The following IARS1 variants were observed in gnomAD, a reference collection of about 807,000 sequenced individuals.
IARS1 encodes the protein isoleucine--tRNA ligase, cytoplasmic.
IARS1 carries 124 observed loss-of-function variants against 168.2 expected under a neutral mutation model. The ratio of observed to expected loss-of-function variants is 0.74; its 90% CI spans 0.64 to 0.86. The LOEUF (loss-of-function observed/expected upper bound fraction) is 0.86, where lower values mean the gene tolerates loss of function less well. IARS1 is among the 40% of genes least tolerant of loss of function. IARS1 has a pLI of 0.00. For synonymous variants in IARS1, 532 were observed against 529.4 expected, an observed-to-expected ratio of 1.00 and a Z score of -0.07; for missense variants, 1,452 against 1,515.8, an observed-to-expected ratio of 0.96 and a Z score of 0.70.
chr9:92,249,938 G>C lies in IARS1; in HGVS notation c.2536C>G (p.Pro846Ala). The C allele has an allele frequency of 6.3e-7, 1 of 1,585,836 alleles. No homozygotes were observed. The highest frequency in any genetic ancestry group is 8.6e-7 in the Non-Finnish European group (1 of 1,156,216). Residue 846 changes from proline to alanine, a missense_variant, in exon 25 of 34, where the codon CCT (proline) becomes GCT (alanine). Physicochemically the swap from Pro to Ala is conservative, Grantham distance 27 (BLOSUM62 -1). Coordinates refer to ENST00000443024, the MANE Select transcript of IARS1 (RefSeq NM_002161.6). ...TGGATAACCACAATTTCTTTCAAAG[G>C]ATACTAGGAGGAAAAGGGAGGGGAA... is the stretch of plus-strand genomic sequence containing the variant. ...RDRKTIPIKY[P>A]LKEIVVIHQD...
Position 92,265,040 on chromosome 9 carries a change from C to T in IARS1, c.1589G>A (p.Ser530Asn), listed in dbSNP as rs760143008. Residue 530 changes from serine (S) to asparagine (N), a missense_variant, in exon 16 of 34, where the codon AGT (serine) becomes AAT (asparagine). Physicochemically the swap from Ser to Asn is conservative, Grantham distance 46. Transcript: ENST00000443024. ...AACCTGAGCATAGGGCATGCTGCCA[C>T]TCTCAAACCAACAGTCAAACACTTC... Reference protein sequence around the residue: ...ISEVFDCWFESGSMPYAQVHY... With the variant: ...ISEVFDCWFENGSMPYAQVHY... 3.7e-6 allele frequency: 6 copies of T among 1,614,150 alleles called. No individual in the cohort carries two copies. The Admixed American group carries it at 8.3e-5, about 22-fold the overall frequency.
intron 30 of IARS1, among the ~76,000 whole-genome samples, chr9:92,230,608 G>T (rs1043607917): frequency 2.6e-5 from 4 of 152,188 alleles, no homozygotes; most frequent in African/African-American, 9.7e-5. Context: ...GGTGAACATA[G>T]TTTTCAGTTC....
At chr9:92,255,411 TTAAC>T (rs1830581102) in intron 20 of IARS1, among the ~76,000 whole-genome samples, 2 of 152,180 alleles carry the variant, frequency 1.3e-5, no homozygotes, top group African/African-American at 4.8e-5. Context: ...TCCACCCACT[TTAAC>T]TGACTGTCTG....
intron 33 of IARS1, among the ~76,000 whole-genome samples, chr9:92,212,158 G>A (rs1403617014): frequency 6.6e-6 from 1 of 152,140 alleles, no homozygotes; most frequent in African/African-American, 2.4e-5. Flanking sequence ...ACAGGACCTG[G>A]AGATGATGTT....
At position 92,278,232 on chromosome 9, in the gene IARS1, T is replaced by C. The variant is rs764371934; in HGVS notation, c.800A>G (p.Tyr267Cys). ...ILMEARLSAL[Y>C]KLESDYEILE... ...GATCTCATAGTCACTCTCCAATTTA[T>C]AGAGGGCTGACAATCTGGCTTCCAT... The change falls in exon 8 of 34, where the codon TAT becomes TGT. Residue 267 changes from tyrosine to cysteine, a missense_variant. By Grantham distance (194) the Tyr-to-Cys change is radical (BLOSUM62 -2). Coordinates refer to ENST00000443024, the MANE Select transcript of IARS1 (RefSeq NM_002161.6). 2 of 1,612,240 alleles carry C rather than the reference T, an allele frequency of 1.2e-6. No homozygotes were observed. The highest frequency in any genetic ancestry group is 1.7e-6 in the Non-Finnish European group (2 of 1,178,250).
intron 30 of IARS1, 127 bp from the exon 31 acceptor site, chr9:92,229,253 C>A: frequency 1.3e-6 from 1 of 780,810 alleles, no homozygotes; most frequent in Non-Finnish European, 2.0e-6. Flanking sequence ...CAACTATACA[C>A]TATATATATG....
intron 33 of IARS1, among the ~76,000 whole-genome samples, chr9:92,211,301 T>C (rs551882070): frequency 6.6e-6 from 1 of 152,264 alleles, no homozygotes; most frequent in East Asian, 1.9e-4. Flanking sequence ...GTCTCTGTGT[T>C]GTCAGATGTA....
chr9:92,250,210 C>T lies in IARS1; in HGVS notation c.2509G>A (p.Asp837Asn). 1 of 1,610,812 alleles carries T rather than the reference C, an allele frequency of 6.2e-7. No individual in the cohort carries two copies. The highest frequency in any genetic ancestry group is 8.5e-7 in the Non-Finnish European group (1 of 1,177,064). ...ACCTTTATGGGAATAGTTTTTCGGT[C>T]TCTGATCACTCTTCCAAGTTCAATC... ...SVIELGRVIR[D>N]RKTIPIKYPL... The change falls in exon 24 of 34, where the codon GAC becomes AAC. Residue 837 changes from aspartate to asparagine, a missense_variant. Physicochemically the swap from Asp to Asn is conservative, Grantham distance 23. Transcript: ENST00000443024.
intron 30 of IARS1, among the ~76,000 whole-genome samples, chr9:92,237,019 CATTA>C (rs1368498090): frequency 6.6e-6 from 1 of 152,126 alleles, no homozygotes; most frequent in Non-Finnish European, 1.5e-5. Flanking sequence ...ATTTCTGTAT[CATTA>C]ATTTTCTCTA....
intron 30 of IARS1, among the ~76,000 whole-genome samples, chr9:92,230,842 G>C (rs1414326139): frequency 2.0e-5 from 3 of 152,134 alleles, no homozygotes; most frequent in Admixed American, 1.3e-4. Context: ...TTTCCTAACG[G>C]CTAATGACGT....
At chr9:92,223,606 TTC>T (rs1408539454) in intron 31 of IARS1, 117 bp from the exon 32 acceptor site, 7 of 802,588 alleles carry the variant, frequency 8.7e-6, no homozygotes, top group South Asian at 6.5e-5. Context: ...TCCACTTAAT[TTC>T]TGTTTATCAA....
chr9:92,258,989 CAG>C lies in IARS1; in HGVS notation c.1879_1880del (p.Leu627AspfsTer2). ...KYGADALRLY[L>X]INSPVVRAEN... ...CTGCTCTCACCACAGGGGAGTTAAT[CAG>C]ATATAATCTGGAAGAGGGAGAAAAA... On this transcript the variant is annotated frameshift_variant, in exon 19 of 34. Coordinates refer to ENST00000443024, the MANE Select transcript of IARS1 (RefSeq NM_002161.6). LOFTEE classifies it high-confidence loss of function. 6.2e-7 allele frequency: 1 copy of C among 1,602,524 alleles called. No homozygotes were observed. Among genetic ancestry groups the C allele is most frequent in the Non-Finnish European group, 8.5e-7 (1 of 1,176,596 alleles).
chr9:92,250,207 G>C lies in IARS1; in HGVS notation c.2512C>G (p.Arg838Gly). ...VIELGRVIRD[R>G]KTIPIKYPLK... ...CAAACCTTTATGGGAATAGTTTTTC[G>C]GTCTCTGATCACTCTTCCAAGTTCA... Residue 838 changes from arginine to glycine, a missense_variant, in exon 24 of 34, where the codon CGA becomes GGA. Transcript: ENST00000443024. 1.2e-6 allele frequency: 2 copies of C among 1,608,014 alleles called. No homozygotes were observed. The highest frequency in any genetic ancestry group is 1.7e-6 in the Non-Finnish European group (2 of 1,174,542).
chr9:92,242,446 G>A (rs1446979021), intron 28 of IARS1, 116 bp from the exon 29 acceptor site: 5 of 739,546 alleles, frequency 6.8e-6, no homozygotes, highest in African/African-American at 3.6e-5. Context: ...CAGAAGGGCA[G>A]TCACCCTTCC....
chr9:92,260,114 A>C, intron 18 of IARS1, 37 bp downstream of exon 18: 1 of 1,416,922 alleles, frequency 7.1e-7, no homozygotes, highest in Non-Finnish European at 1.0e-6. Context: ...ACATAAAAAA[A>C]CAATAGATAC....
Position 92,229,043 on chromosome 9 carries a change from C to T in IARS1, c.3367G>A (p.Gly1123Ser). The change falls in exon 31 of 34, where the codon GGT (glycine) becomes AGT (serine). Residue 1123 changes from glycine (G) to serine (S), a missense_variant. Gly to Ser is a moderately conservative substitution (Grantham distance 56). Transcript: ENST00000443024. ...KLKSVVTSIFGVKNTELAVFH... is the reference protein window; with the variant it reads ...KLKSVVTSIFSVKNTELAVFH... ...ACAGCCAGCTCTGTATTTTTCACAC[C>T]AAAAATGCTAGTGACAACACTCTTC... is the stretch of plus-strand genomic sequence containing the variant. The T allele has an allele frequency of 6.2e-7, 1 of 1,613,962 alleles. No homozygotes were observed. The highest frequency in any genetic ancestry group is 8.5e-7 in the Non-Finnish European group (1 of 1,179,956).
chr9:92,292,181 C>CTTGTTTTTTTTT (rs1836463410), intron 1 of IARS1, among the ~76,000 whole-genome samples: 1 of 118,054 alleles, frequency 8.5e-6, no homozygotes, highest in African/African-American at 3.2e-5. Flanking sequence ...CCACACTCAG[C>CTTGTTTTTTTTT]TTTTTTTTTT....
Position 92,263,156 on chromosome 9 carries a change from C to T in IARS1, c.1701-101G>A, listed in dbSNP as rs1247679582. 4 of 797,768 alleles carry T rather than the reference C, an allele frequency of 5.0e-6. No individual in the cohort carries two copies. The East Asian group carries it at 1.1e-4, about 21-fold the overall frequency. The allele number at this position is 797,768 out of a possible 1,614,324, so 49.4% of individuals were successfully genotyped here. On this transcript the variant is annotated intron_variant, in intron 16 of 33. Transcript: ENST00000443024. Reference sequence around the variant, plus strand: ...TTGAATTTCTATTTTTGATAAGTCACACTTCTTGAGAATCACTTAAAGCAA... The same window carrying T: ...TTGAATTTCTATTTTTGATAAGTCATACTTCTTGAGAATCACTTAAAGCAA...
intron 14 of IARS1, 94 bp downstream of exon 14, chr9:92,268,080 G>T: frequency 7.5e-7 from 1 of 1,336,694 alleles, no homozygotes; most frequent in Non-Finnish European, 1.0e-6. Flanking sequence ...AAGGGGCAAA[G>T]AAAAAAACAC....
Sources: gnomAD v4.1 joint callset for allele counts (sites outside exome capture counted in the v4.1 genomes callset) on GRCh38, gnomAD v4.1.1 for gene constraint, MANE v1.5 for transcripts, NCBI Gene and HGNC (gene_info 2026-07-23, HGNC 2026-07-21) for gene names.